The following MAP3K12 variants were observed in gnomAD, a reference collection of about 807,000 sequenced individuals.
MAP3K12 encodes the protein mitogen-activated protein kinase kinase kinase 12.
A neutral mutation model predicts 87.5 loss-of-function variants in MAP3K12; 14 were observed. The observed-to-expected ratio is 0.16, with a 90% confidence interval of 0.11 to 0.25. MAP3K12 has a LOEUF of 0.25. Among genes scored for constraint, MAP3K12 ranks in the 10% least tolerant of loss-of-function variants. MAP3K12 has a pLI of 1.00. For missense variants in MAP3K12, 802 were observed against 1,140.4 expected (o/e 0.70, Z 4.27); for synonymous variants, 469 against 452.5 (o/e 1.04, Z -0.46).
At chr12:53,489,897 C>G (rs771310219) in intron 1 of MAP3K12, among the ~76,000 whole-genome samples, 1 of 152,228 alleles carries the variant, frequency 6.6e-6, no homozygotes, top group Non-Finnish European at 1.5e-5. Flanking sequence ...CCCACTGTTA[C>G]TGCCTTAGTT....
At chr12:53,490,229 G>GGGA (rs945389980) in intron 1 of MAP3K12, among the ~76,000 whole-genome samples, 1 of 151,988 alleles carries the variant, frequency 6.6e-6, no homozygotes, top group Non-Finnish European at 1.5e-5. Context: ...GCTTGAATCT[G>GGGA]GGAGGAGGAG....
chr12:53,485,656 A>C (rs1353091203), intron 4 of MAP3K12, 181 bp from the exon 5 acceptor site: 3 of 653,142 alleles, frequency 4.6e-6, no homozygotes, highest in African/African-American at 3.6e-5. Context: ...CCTGGGTTCA[A>C]GTGATTCTCC....
Position 53,482,099 on chromosome 12 carries a change from C to G in MAP3K12, c.2422G>C (p.Val808Leu). Reference sequence around the variant, plus strand: ...CGCTCATCAGTGTTGGTGCTGCCAACTTCAGGTGTGCCACTGGGGGAAGGT... The same window carrying G: ...CGCTCATCAGTGTTGGTGCTGCCAAGTTCAGGTGTGCCACTGGGGGAAGGT... Reference protein sequence around the residue: ...SEPSPSGTPEVGSTNTDERPD... With the variant: ...SEPSPSGTPELGSTNTDERPD... The change falls in exon 13 of 14, where the codon GTT (valine) becomes CTT (leucine). Residue 808 changes from valine (V) to leucine (L), a missense_variant. Around this residue, in one of 5 missense-constraint regions of MAP3K12, gnomAD observed 490 missense variants for 496.6 expected, o/e 0.99. Transcript: ENST00000547488. 10 of 1,614,208 alleles carry G rather than the reference C, an allele frequency of 6.2e-6. No homozygotes were observed. The highest frequency in any genetic ancestry group is 7.6e-6 in the Non-Finnish European group (9 of 1,180,048).
chr12:53,494,194 G>A (rs981556512), intron 1 of MAP3K12, among the ~76,000 whole-genome samples: 3 of 152,204 alleles, frequency 2.0e-5, no homozygotes, highest in African/African-American at 7.2e-5. Context: ...CAGTCACCCT[G>A]GGGGAGGGTA....
rs764023138 is a variant in MAP3K12, at chr12:53,487,399, G to A, written c.-8C>T. 5.6e-6 allele frequency: 9 copies of A among 1,602,426 alleles called. 1 individual carries two copies. The South Asian group carries it at 1.0e-4, about 18-fold the overall frequency. On this transcript the variant is annotated 5_prime_UTR_variant, in exon 2 of 14. Coordinates refer to ENST00000547488, the MANE Select transcript of MAP3K12 (RefSeq NM_001193511.2). ...CTCATGGAGGCAAGCCATCGCCTCT[G>A]GCCCCTGGTATGATGGTGAACACTG...
intron 6 of MAP3K12, chr12:53,484,805 C>G (rs944086877): frequency 3.7e-6 from 2 of 547,408 alleles, no homozygotes; most frequent in African/African-American, 3.8e-5. Flanking sequence ...CTTGTATGCA[C>G]TCACTGGCAC....
chr12:53,487,489 C>T (rs1943260979), intron 1 of MAP3K12, 61 bp from the exon 2 acceptor site: 14 of 1,491,914 alleles, frequency 9.4e-6, no homozygotes, highest in East Asian at 6.9e-5. Context: ...CTGCTCAGGA[C>T]ACTTATCCCA....
At chr12:53,501,094 G>A (rs1943679978), upstream of MAP3K12, 1 of 420,626 alleles carries the variant, frequency 2.4e-6, no homozygotes, top group Non-Finnish European at 4.4e-6. Context: ...GGCGCGGAAG[G>A]AAGGAGGCGG....
At chr12:53,495,338 C>A (rs1359514066) in intron 1 of MAP3K12, among the ~76,000 whole-genome samples, 85 of 17,212 alleles carry the variant, frequency 4.9e-3, no homozygotes, top group Non-Finnish European at 0.013. Flanking sequence ...TACTCTGTCT[C>A]CAAAAAAAAA....
chr12:53,486,839 G>T lies in MAP3K12; in HGVS notation c.445+108C>A. On this transcript the variant is annotated intron_variant, in intron 2 of 13. Transcript: ENST00000547488. This position sits in a 1 kb window ranked among gnomAD's most constrained non-coding sequence, Gnocchi z 4.9. Reference sequence around the variant, plus strand: ...GCTGATGGATGGCTAAGGGACTAGGGCTGGGCCATGGGGAGGGAAGGGACC... The same window carrying T: ...GCTGATGGATGGCTAAGGGACTAGGTCTGGGCCATGGGGAGGGAAGGGACC... 6.4e-7 allele frequency: 1 copy of T among 1,553,390 alleles called. No individual in the cohort carries two copies.
At chr12:53,482,422 T>TA in intron 11 of MAP3K12, 53 bp from the exon 12 acceptor site, 2 of 1,609,186 alleles carry the variant, frequency 1.2e-6, no homozygotes, top group Non-Finnish European at 1.7e-6. Flanking sequence ...AAGAGGTCAC[T>TA]AAGAATCCAG....
chr12:53,482,498 A>G, intron 11 of MAP3K12, 67 bp downstream of exon 11: 1 of 1,602,798 alleles, frequency 6.2e-7, no homozygotes, highest in Non-Finnish European at 8.5e-7. Context: ...AATGTGGGGG[A>G]TTAGACTTGG....
intron 1 of MAP3K12, among the ~76,000 whole-genome samples, chr12:53,495,207 C>T (rs1430563791): frequency 1.6e-4 from 24 of 150,744 alleles, no homozygotes; most frequent in Admixed American, 4.6e-4. Flanking sequence ...GGCGTGGTGG[C>T]GGACGCCTGT....
upstream of MAP3K12, chr12:53,501,448 T>C (rs768952302): frequency 6.4e-7 from 1 of 1,569,188 alleles, no homozygotes; most frequent in East Asian, 2.4e-5. Flanking sequence ...TACCACGGGC[T>C]GCGGGCTGCC....
At position 53,485,488 on chromosome 12, in the gene MAP3K12, G is replaced by A; in HGVS notation, c.822-13C>T. 1 of 1,611,674 alleles carries A rather than the reference G, an allele frequency of 6.2e-7. No individual in the cohort carries two copies. The highest frequency in any genetic ancestry group is 8.5e-7 in the Non-Finnish European group (1 of 1,178,680). ...GGTGATTAGCATGCTGGTAAAGAGT[G>A]TAGTCAGCTGGGGTCCACACCCCTC... On this transcript the variant is annotated splice_polypyrimidine_tract_variant and intron_variant, in intron 4 of 13. Coordinates refer to ENST00000547488, the MANE Select transcript of MAP3K12 (RefSeq NM_001193511.2).
chr12:53,491,301 A>AAAAAGAAAAAG lies in MAP3K12; in HGVS notation c.-37-3874_-37-3873insCTTTTTCTTTT, dbSNP rs1555212343. On this transcript the variant is annotated intron_variant, in intron 1 of 13. Transcript: ENST00000547488. ...AGACTCTGTCTCAAAAAAAAAAAAA[A>AAAAAGAAAAAG]AAAAGAAAAGAAAAGAAAAACAGGC... Among the ~76,000 whole-genome samples, 95 of 101,596 alleles carry AAAAAGAAAAAG rather than the reference A, an allele frequency of 9.4e-4. 7 individuals carry two copies. Among genetic ancestry groups the AAAAAGAAAAAG allele is most frequent in the Non-Finnish European group, 5.2e-4 (27 of 52,312 alleles). The allele number at this position is 101,596 out of a possible 152,430, so 66.7% of individuals were successfully genotyped here.
intron 13 of MAP3K12, 39 bp downstream of exon 13, chr12:53,481,902 C>A: frequency 6.3e-7 from 1 of 1,595,706 alleles, no homozygotes; most frequent in Non-Finnish European, 8.6e-7. Flanking sequence ...TTACAGCTCT[C>A]CCTGTTCAAT....
At chr12:53,496,052 G>C (rs1943541478) in intron 1 of MAP3K12, among the ~76,000 whole-genome samples, 1 of 152,150 alleles carries the variant, frequency 6.6e-6, no homozygotes, top group Non-Finnish European at 1.5e-5. Flanking sequence ...CACCCTGCTG[G>C]GGGTAGTGAA....
Position 53,485,041 on chromosome 12 carries a change from C to T in MAP3K12, c.1139+15G>A. 1 of 1,614,076 alleles carries T rather than the reference C, an allele frequency of 6.2e-7. No individual in the cohort carries two copies. Among genetic ancestry groups the T allele is most frequent in the South Asian group, 1.1e-5 (1 of 91,074 alleles). ...ACTTCTCCAGGCCCAGTATCCCAGCCCAGACCATCCTTACCAGCACTGGCG... is the reference window on the plus strand; with the variant it reads ...ACTTCTCCAGGCCCAGTATCCCAGCTCAGACCATCCTTACCAGCACTGGCG... On this transcript the variant is annotated intron_variant, in intron 6 of 13. Transcript: ENST00000547488.
Sources: gnomAD v4.1 joint callset for allele counts (sites outside exome capture counted in the v4.1 genomes callset) on GRCh38, gnomAD v4.1.1 for gene constraint, gnomAD v4.1.1 regional missense constraint, Gnocchi (gnomAD v3.1) non-coding constraint, MANE v1.5 for transcripts, NCBI Gene and HGNC (gene_info 2026-07-23, HGNC 2026-07-21) for gene names.